The following GPC6 variants were observed in gnomAD, a reference collection of about 807,000 sequenced individuals.
GPC6 encodes glypican 6.
In GPC6, 14 loss-of-function variants were observed where a neutral mutation model predicts 55.2. The ratio of observed to expected loss-of-function variants is 0.25; its 90% confidence interval spans 0.17 to 0.40. GPC6 has a LOEUF of 0.40. GPC6 is among the 10% of genes least tolerant of loss of function. GPC6 has a pLI of 1.00. For missense variants in GPC6, 641 were observed against 708.5 expected, an observed-to-expected ratio of 0.90 and a Z score of 1.08; for synonymous variants, 278 against 259.6, an observed-to-expected ratio of 1.07 and a Z score of -0.68.
chr13:93,956,958 C>G (rs1310170861), intron 3 of GPC6, among the ~76,000 whole-genome samples: 1 of 152,134 alleles, frequency 6.6e-6, no homozygotes, highest in Non-Finnish European at 1.5e-5. Context: ...AACTATTGTA[C>G]AAATTACTGT....
At chr13:94,335,842 T>G (rs1235984824) in intron 6 of GPC6, among the ~76,000 whole-genome samples, 1 of 151,928 alleles carries the variant, frequency 6.6e-6, no homozygotes, top group African/African-American at 2.4e-5. Flanking sequence ...TCTGTTAAAT[T>G]CCCTCATCGT....
At chr13:93,449,318 C>T (rs1025983070) in intron 1 of GPC6, among the ~76,000 whole-genome samples, 1 of 152,184 alleles carries the variant, frequency 6.6e-6, no homozygotes, top group African/African-American at 2.4e-5. Flanking sequence ...GCCAGGACAT[C>T]CAGTATGAAA....
chr13:94,008,206 T>C (rs1343635534), intron 3 of GPC6, among the ~76,000 whole-genome samples: 1 of 152,166 alleles, frequency 6.6e-6, no homozygotes, highest in Non-Finnish European at 1.5e-5. Flanking sequence ...AACTTTGTAA[T>C]TGCACAGAAA....
At chr13:94,202,383 C>G (rs1213534476) in intron 4 of GPC6, among the ~76,000 whole-genome samples, 1 of 152,144 alleles carries the variant, frequency 6.6e-6, no homozygotes, top group Admixed American at 6.5e-5. Context: ...ACTCACAGTT[C>G]CACACGGCTG....
chr13:94,008,182 C>T (rs2140430798), intron 3 of GPC6, among the ~76,000 whole-genome samples: 1 of 152,308 alleles, frequency 6.6e-6, no homozygotes, highest in South Asian at 2.1e-4. Context: ...ATCCTGAAAC[C>T]TTCAATGACT....
At chr13:93,570,646 A>T (rs1876357609) in intron 2 of GPC6, among the ~76,000 whole-genome samples, 1 of 152,184 alleles carries the variant, frequency 6.6e-6, no homozygotes, top group Admixed American at 6.6e-5. Context: ...TTGAGTGAGT[A>T]GATATCACAG....
intron 4 of GPC6, among the ~76,000 whole-genome samples, chr13:94,118,986 T>C (rs1384215094): frequency 2.1e-5 from 2 of 95,802 alleles, no homozygotes; most frequent in African/African-American, 7.8e-5. Context: ...GGCCTGTATA[T>C]ACATTATGTA....
upstream of GPC6, among the ~76,000 whole-genome samples, chr13:93,222,059 C>T (rs1474552574): frequency 6.6e-6 from 1 of 152,084 alleles, no homozygotes; most frequent in Non-Finnish European, 1.5e-5. Flanking sequence ...TAACACAAGA[C>T]ATTTCATACT....
intron 4 of GPC6, among the ~76,000 whole-genome samples, chr13:94,133,301 G>T (rs907271748): frequency 1.4e-5 from 2 of 143,824 alleles, no homozygotes; most frequent in African/African-American, 5.2e-5. Context: ...AACCTTAAGT[G>T]CTTTTAAAAC....
intron 1 of GPC6, among the ~76,000 whole-genome samples, chr13:93,489,837 G>T (rs908222420): frequency 5.9e-5 from 7 of 118,804 alleles, no homozygotes; most frequent in Non-Finnish European, 1.1e-4. Flanking sequence ...GACTTTGCTG[G>T]AGTTGCTTAT....
chr13:93,756,831 G>A (rs1259535873), intron 2 of GPC6, among the ~76,000 whole-genome samples: 1 of 152,114 alleles, frequency 6.6e-6, no homozygotes, highest in African/African-American at 2.4e-5. Flanking sequence ...GCTTGATAGG[G>A]AGTGGGAGAT....
At chr13:94,039,371 C>T (rs888220574) in intron 4 of GPC6, among the ~76,000 whole-genome samples, 5 of 151,790 alleles carry the variant, frequency 3.3e-5, no homozygotes, top group African/African-American at 1.2e-4. Context: ...GTCATCTAAG[C>T]ATGGCACAAA....
intron 3 of GPC6, among the ~76,000 whole-genome samples, chr13:93,945,025 T>C (rs889065927): frequency 1.3e-5 from 2 of 152,180 alleles, no homozygotes; most frequent in East Asian, 3.9e-4. Flanking sequence ...CTTGTTTGTC[T>C]TCTACTGAGA....
intron 1 of GPC6, among the ~76,000 whole-genome samples, chr13:93,366,657 A>AT (rs1881260446): frequency 6.6e-6 from 1 of 152,090 alleles, no homozygotes; most frequent in African/African-American, 2.4e-5. Context: ...TGTTAGGGGA[A>AT]AGAAACTCAT....
At chr13:93,577,901 G>C (rs886642268) in intron 2 of GPC6, among the ~76,000 whole-genome samples, 15 of 151,964 alleles carry the variant, frequency 9.9e-5, no homozygotes, top group African/African-American at 3.6e-4. Context: ...CAAATTTGTT[G>C]CGGGTTTTTA....
chr13:93,599,914 C>T (rs771499835), intron 2 of GPC6, among the ~76,000 whole-genome samples: 2 of 152,116 alleles, frequency 1.3e-5, no homozygotes, highest in Non-Finnish European at 2.9e-5. Flanking sequence ...AAATTCAATT[C>T]ATCTACCTAG....
At chr13:93,515,035 G>A (rs1341500260) in intron 1 of GPC6, among the ~76,000 whole-genome samples, 1 of 152,072 alleles carries the variant, frequency 6.6e-6, no homozygotes, top group Non-Finnish European at 1.5e-5. Context: ...TGATGAGGGT[G>A]GAGGCTCATG....
intron 2 of GPC6, among the ~76,000 whole-genome samples, chr13:93,677,992 A>G (rs1881709455): frequency 6.6e-6 from 1 of 152,154 alleles, no homozygotes; most frequent in African/African-American, 2.4e-5. Context: ...AAAAGGTATA[A>G]AGAGAAACAT....
chr13:94,245,039 T>C (rs1386715435), intron 4 of GPC6, among the ~76,000 whole-genome samples: 1 of 152,014 alleles, frequency 6.6e-6, no homozygotes, highest in East Asian at 1.9e-4. Context: ...TGTGCAGACA[T>C]AGTCTCCTCA....
Sources: gnomAD v4.1 joint callset for allele counts (sites outside exome capture counted in the v4.1 genomes callset) on GRCh38, gnomAD v4.1.1 for gene constraint, MANE v1.5 for transcripts, NCBI Gene and HGNC (gene_info 2026-07-23, HGNC 2026-07-21) for gene names.